The following COMMD10 variants were observed in gnomAD, a reference collection of about 807,000 sequenced individuals.
COMMD10 encodes COMM domain containing 10.
A neutral mutation model predicts 28.9 loss-of-function variants in COMMD10; 33 were observed. The observed-to-expected ratio is 1.14, with a 90% CI of 0.87 to 1.53. The LOEUF (loss-of-function observed/expected upper bound fraction) is 1.53. COMMD10 is among the 40% of genes most tolerant of loss of function. The probability of loss-of-function intolerance (pLI) is 0.00; values close to 1 mark genes in which losing one functional copy is unlikely to be tolerated. For synonymous variants in COMMD10, 110 were observed against 81.7 expected, an observed-to-expected ratio of 1.35 and a Z score of -1.87; for missense variants, 310 against 233.4, an observed-to-expected ratio of 1.33 and a Z score of -2.14.
At chr5:116,118,591 T>A (rs1292431687) in intron 4 of COMMD10, among the ~76,000 whole-genome samples, 3 of 152,218 alleles carry the variant, frequency 2.0e-5, no homozygotes, top group African/African-American at 7.2e-5. Flanking sequence ...TTCTTTTGTG[T>A]TTTCATTTTT....
intron 5 of COMMD10, among the ~76,000 whole-genome samples, chr5:116,181,491 A>G (rs1288490040): frequency 1.3e-5 from 2 of 150,816 alleles, no homozygotes; most frequent in East Asian, 3.9e-4. Flanking sequence ...TATCTACATT[A>G]TTGCTACTGA....
intron 5 of COMMD10, among the ~76,000 whole-genome samples, chr5:116,152,455 G>A (rs1466708385): frequency 1.3e-5 from 2 of 151,954 alleles, no homozygotes; most frequent in Non-Finnish European, 2.9e-5. Flanking sequence ...AAAAAATCTG[G>A]CTACTATATC....
At chr5:116,266,037 C>A (rs1750576788) in intron 5 of COMMD10, among the ~76,000 whole-genome samples, 1 of 151,638 alleles carries the variant, frequency 6.6e-6, no homozygotes, top group Non-Finnish European at 1.5e-5. Flanking sequence ...AGATGTATTT[C>A]TTTTGGGAGG....
intron 5 of COMMD10, among the ~76,000 whole-genome samples, chr5:116,215,497 G>T (rs1388578787): frequency 2.6e-5 from 4 of 151,258 alleles, no homozygotes; most frequent in Non-Finnish European, 5.9e-5. Context: ...GACCATCCTC[G>T]CCAACAAGGT....
At chr5:116,089,604 ATAGT>A (rs1434253229) in intron 2 of COMMD10, among the ~76,000 whole-genome samples, 2 of 152,192 alleles carry the variant, frequency 1.3e-5, no homozygotes, top group African/African-American at 2.4e-5. Context: ...GGAGTTGAGA[ATAGT>A]TAGTATCTAT....
chr5:116,278,689 T>G (rs1022574272), intron 5 of COMMD10, among the ~76,000 whole-genome samples: 1 of 151,896 alleles, frequency 6.6e-6, no homozygotes, highest in Non-Finnish European at 1.5e-5. Context: ...CAGTTTGTTA[T>G]GTTGACAGCT....
chr5:116,153,265 C>T (rs755387758), intron 5 of COMMD10, among the ~76,000 whole-genome samples: 3 of 150,006 alleles, frequency 2.0e-5, no homozygotes, highest in Non-Finnish European at 4.4e-5. Context: ...TAAGCCTTTC[C>T]CATGAGGACA....
chr5:116,131,276 C>T (rs1394558867), intron 4 of COMMD10, among the ~76,000 whole-genome samples: 1 of 151,954 alleles, frequency 6.6e-6, no homozygotes, highest in East Asian at 1.9e-4. Flanking sequence ...TCAGCTGCTA[C>T]TTTAGCAAAC....
At position 116,176,859 on chromosome 5, in the gene COMMD10, C is replaced by A. The variant is rs1460988054; in HGVS notation, c.510+42681C>A. On this transcript the variant is annotated intron_variant, in intron 5 of 6. Coordinates refer to ENST00000274458, the MANE Select transcript of COMMD10 (RefSeq NM_016144.4). ...TTAGAAAGCTATGATACGTGAGTAA[C>A]TATAAAAGTGTAAAGAGAACTGTAA... 2.0e-5 allele frequency among the ~76,000 whole-genome samples: 3 copies of A among 152,004 alleles called. No homozygotes were observed. The East Asian group carries it at 5.8e-4, about 29-fold the overall frequency.
At chr5:116,237,838 T>C (rs968552892) in intron 5 of COMMD10, among the ~76,000 whole-genome samples, 1 of 152,162 alleles carries the variant, frequency 6.6e-6, no homozygotes, top group Non-Finnish European at 1.5e-5. Flanking sequence ...TCTGTACTAA[T>C]ATCATCAACT....
intron 5 of COMMD10, among the ~76,000 whole-genome samples, chr5:116,208,185 G>A (rs1748867365): frequency 6.6e-6 from 1 of 152,178 alleles, no homozygotes; most frequent in African/African-American, 2.4e-5. Flanking sequence ...TGGCACTGAT[G>A]TTAGAAAAGG....
At chr5:116,132,825 T>G (rs1346723934) in intron 4 of COMMD10, among the ~76,000 whole-genome samples, 3 of 152,174 alleles carry the variant, frequency 2.0e-5, no homozygotes, top group Non-Finnish European at 2.9e-5. Flanking sequence ...TTACTTAACA[T>G]GTACCATGAA....
chr5:116,213,715 T>G (rs73259036), intron 5 of COMMD10, among the ~76,000 whole-genome samples: 41 of 152,098 alleles, frequency 2.7e-4, no homozygotes, highest in Admixed American at 6.5e-5. Context: ...ATATATTTTT[T>G]TATTAGTCTT....
chr5:116,204,623 A>T (rs1748764518), intron 5 of COMMD10, among the ~76,000 whole-genome samples: 1 of 152,160 alleles, frequency 6.6e-6, no homozygotes, highest in Non-Finnish European at 1.5e-5. Flanking sequence ...GAATTTACAG[A>T]ATATGTTAAA....
rs544751081 is a variant in COMMD10 at position 116,088,445 on chromosome 5, A to T, written c.132+858A>T. 4.3e-3 allele frequency among the ~76,000 whole-genome samples: 656 copies of T among 152,034 alleles called. 2 individuals are homozygous for T. The highest frequency in any genetic ancestry group is 6.8e-3 in the African/African-American group (281 of 41,456). On this transcript the variant is annotated intron_variant, in intron 2 of 6. Transcript: ENST00000274458. ...TAATACTATGTAAATTACTTTCTAAATTTTTTTTCCTGAAACAAAGATGTA... is the reference window on the plus strand; with the variant it reads ...TAATACTATGTAAATTACTTTCTAATTTTTTTTTCCTGAAACAAAGATGTA...
intron 5 of COMMD10, among the ~76,000 whole-genome samples, chr5:116,285,313 T>G (rs979045678): frequency 3.9e-5 from 6 of 151,948 alleles, no homozygotes. Flanking sequence ...AATTTAAAAT[T>G]TTTGGACTCC....
intron 5 of COMMD10, among the ~76,000 whole-genome samples, chr5:116,147,112 C>G (rs80035490): frequency 0.075 from 11,435 of 151,730 alleles, 788 homozygotes; most frequent in African/African-American, 0.19. Context: ...TAGCATCAAC[C>G]CAGCACCATC....
At chr5:116,177,903 G>T (rs753101282) in intron 5 of COMMD10, among the ~76,000 whole-genome samples, 1 of 151,998 alleles carries the variant, frequency 6.6e-6, no homozygotes. Context: ...AGCACATAGT[G>T]GGTGCTTAAT....
At position 116,292,432 on chromosome 5, in the gene COMMD10, T is replaced by C; in HGVS notation, c.571-19T>C. ...TTCCCTTCACTAACGTCTTTTTTTT[T>C]TTTTGTCTTTGTAAATAGCTAGAGA... On this transcript the variant is annotated intron_variant, in intron 6 of 6. Transcript: ENST00000274458. 1 of 1,495,310 alleles carries C rather than the reference T, an allele frequency of 6.7e-7. No individual in the cohort carries two copies. The highest frequency in any genetic ancestry group is 2.4e-5 in the East Asian group (1 of 42,206). 92.6% of individuals were successfully genotyped at this position (1,495,310 alleles called of 1,614,324 possible).
Sources: gnomAD v4.1 joint callset for allele counts (sites outside exome capture counted in the v4.1 genomes callset) on GRCh38, gnomAD v4.1.1 for gene constraint, MANE v1.5 for transcripts, NCBI Gene and HGNC (gene_info 2026-07-23, HGNC 2026-07-21) for gene names.